SFXN5: variants seen among roughly 807,000 people sequenced by gnomAD.
The protein encoded by SFXN5 is sideroflexin-5.
SFXN5 carries 43 observed loss-of-function variants against 50.2 expected under a neutral mutation model. That is an observed-to-expected ratio of 0.86 (90% confidence interval 0.67 to 1.11). The LOEUF (loss-of-function observed/expected upper bound fraction) is 1.11, where lower values mean the gene tolerates loss of function less well. Among genes scored for constraint, SFXN5 ranks in the 50% least tolerant of loss-of-function variants. SFXN5 has a pLI of 0.00. For synonymous variants in SFXN5, 203 were observed against 185.8 expected, an observed-to-expected ratio of 1.09 and a Z score of -0.75; for missense variants, 463 against 454.1, an observed-to-expected ratio of 1.02 and a Z score of -0.18.
intron 6 of SFXN5, among the ~76,000 whole-genome samples, chr2:73,012,705 G>GCCTA (rs1675683583): frequency 1.2e-5 from 1 of 85,808 alleles, no homozygotes; most frequent in Non-Finnish European, 2.4e-5. Context: ...CACACACACA[G>GCCTA]CCTAAATAAT....
In SFXN5 at chr2:72,978,377, G is replaced by A. The variant is rs182628534; in HGVS notation, c.626-6692C>T. Among the ~76,000 whole-genome samples the A allele has an allele frequency of 2.1e-3, 317 of 151,444 alleles. 2 individuals are homozygous for A. Among genetic ancestry groups the A allele is most frequent in the Admixed American group, 3.0e-3 (46 of 15,216 alleles). On this transcript the variant is annotated intron_variant, in intron 10 of 13. Transcript: ENST00000272433. ...GGCTCACTGCAACCTCTGCCTCCCGGGTTCAAGCGATTCTCCTGCCTCAGC... is the reference window on the plus strand; with the variant it reads ...GGCTCACTGCAACCTCTGCCTCCCGAGTTCAAGCGATTCTCCTGCCTCAGC...
chr2:72,984,427 TGCCTCCAG>T (rs1410494861), intron 10 of SFXN5, among the ~76,000 whole-genome samples: 8 of 152,270 alleles, frequency 5.3e-5, no homozygotes, highest in Admixed American at 3.3e-4. Context: ...TAGCCTTGGC[TGCCTCCAG>T]GCCACACTGC....
chr2:73,054,538 T>C (rs1163588952), intron 2 of SFXN5, among the ~76,000 whole-genome samples: 1 of 152,096 alleles, frequency 6.6e-6, no homozygotes, highest in Non-Finnish European at 1.5e-5. Flanking sequence ...GAGGAGGGAC[T>C]GGGAAAAGGG....
At chr2:72,955,420 T>C (rs1672982222) in intron 13 of SFXN5, among the ~76,000 whole-genome samples, 1 of 152,166 alleles carries the variant, frequency 6.6e-6, no homozygotes. Context: ...TGCAGCCCCG[T>C]TCCCCAGCCC....
At chr2:73,046,188 T>C (rs1461274256) in intron 2 of SFXN5, among the ~76,000 whole-genome samples, 1 of 152,028 alleles carries the variant, frequency 6.6e-6, no homozygotes, top group Non-Finnish European at 1.5e-5. Context: ...GCAGGCAGAT[T>C]ACTTGAGGTC....
chr2:73,001,827 A>C (rs1268063830), intron 6 of SFXN5, among the ~76,000 whole-genome samples: 2 of 152,236 alleles, frequency 1.3e-5, no homozygotes, highest in Non-Finnish European at 1.5e-5. Context: ...CGATATACAC[A>C]AACACATGCA....
chr2:72,968,605 C>G, intron 11 of SFXN5, 72 bp from the exon 12 acceptor site: 1 of 1,420,058 alleles, frequency 7.0e-7, no homozygotes, highest in Non-Finnish European at 9.8e-7. Context: ...ACCCAGAGCC[C>G]TAGGTGTGTG....
intron 1 of SFXN5, among the ~76,000 whole-genome samples, chr2:73,065,740 G>C (rs998571588): frequency 1.3e-5 from 2 of 150,558 alleles, no homozygotes; most frequent in Non-Finnish European, 3.0e-5. Context: ...TTTTTTAGTA[G>C]AGACAGGTTT....
At chr2:72,975,265 G>C (rs1346617058) in intron 10 of SFXN5, among the ~76,000 whole-genome samples, 1 of 152,226 alleles carries the variant, frequency 6.6e-6, no homozygotes, top group East Asian at 1.9e-4. Context: ...AAGGGGCAGT[G>C]TGGGGAGGAA....
intron 1 of SFXN5, among the ~76,000 whole-genome samples, chr2:73,067,666 G>A (rs1683273225): frequency 6.6e-6 from 1 of 152,160 alleles, no homozygotes; most frequent in Non-Finnish European, 1.5e-5. Flanking sequence ...TTGCTTCAGA[G>A]TAATTCATTG....
At chr2:73,042,155 G>A (rs1679727491) in intron 2 of SFXN5, among the ~76,000 whole-genome samples, 1 of 152,160 alleles carries the variant, frequency 6.6e-6, no homozygotes, top group Admixed American at 6.5e-5. Context: ...AAAAGCTAAA[G>A]AGACAGCAAC....
At chr2:72,968,386 T>TC in intron 12 of SFXN5, 62 bp downstream of exon 12, 1 of 1,505,928 alleles carries the variant, frequency 6.6e-7, no homozygotes, top group Admixed American at 1.8e-5. Flanking sequence ...GCCAGCCGGT[T>TC]CCCCCTCCCT....
At chr2:73,033,542 G>A (rs1249524563) in intron 3 of SFXN5, among the ~76,000 whole-genome samples, 3 of 152,328 alleles carry the variant, frequency 2.0e-5, no homozygotes, top group Non-Finnish European at 2.9e-5. Context: ...AGGAGAGAAT[G>A]AGTCATGCAG....
At chr2:72,949,452 A>G (rs529411554) in intron 13 of SFXN5, among the ~76,000 whole-genome samples, 17 of 152,300 alleles carry the variant, frequency 1.1e-4, no homozygotes, top group African/African-American at 3.4e-4. Flanking sequence ...CTACAGGCAC[A>G]TGCCACCATG....
intron 6 of SFXN5, among the ~76,000 whole-genome samples, chr2:73,014,017 T>C (rs893069849): frequency 6.6e-6 from 1 of 152,168 alleles, no homozygotes; most frequent in Non-Finnish European, 1.5e-5. Context: ...GCATTACTAC[T>C]CTGCTACTAT....
intron 3 of SFXN5, among the ~76,000 whole-genome samples, chr2:73,024,972 T>TAA (rs1677374851): frequency 6.6e-6 from 1 of 152,156 alleles, no homozygotes; most frequent in Non-Finnish European, 1.5e-5. Flanking sequence ...TTTAGACACA[T>TAA]TTCCAACACA....
At chr2:73,025,113 T>A (rs1677390829) in intron 3 of SFXN5, among the ~76,000 whole-genome samples, 1 of 151,834 alleles carries the variant, frequency 6.6e-6, no homozygotes, top group Non-Finnish European at 1.5e-5. Flanking sequence ...AAAGGTTAAG[T>A]GAGGGCCTAA....
chr2:73,045,536 C>T (rs1680210808), intron 2 of SFXN5, among the ~76,000 whole-genome samples: 2 of 139,136 alleles, frequency 1.4e-5, no homozygotes, highest in East Asian at 2.1e-4. Context: ...AAGACTGTGG[C>T]GGGGGGTGGG....
At chr2:73,013,407 G>A (rs928182182) in intron 6 of SFXN5, among the ~76,000 whole-genome samples, 2 of 47,542 alleles carry the variant, frequency 4.2e-5, no homozygotes, top group Non-Finnish European at 8.1e-5. Flanking sequence ...GGGATATTTC[G>A]TGTGTGTGTG....
Sources: gnomAD v4.1 joint callset for allele counts (sites outside exome capture counted in the v4.1 genomes callset) on GRCh38, gnomAD v4.1.1 for gene constraint, MANE v1.5 for transcripts, NCBI Gene and HGNC (gene_info 2026-07-23, HGNC 2026-07-21) for gene names.